Variants in GPM6B observed in about 807,000 individuals in gnomAD.
The protein encoded by GPM6B is glycoprotein M6B, also known as neuronal membrane glycoprotein M6-b.
A neutral mutation model predicts 27.2 loss-of-function variants in GPM6B; 4 were observed. The ratio of observed to expected loss-of-function variants is 0.15; its 90% confidence interval spans 0.07 to 0.34. The LOEUF (loss-of-function observed/expected upper bound fraction) is 0.34. Ranked by LOEUF, GPM6B falls within the 10% of genes least tolerant of loss-of-function variation. The pLI, the probability that GPM6B is intolerant of heterozygous loss-of-function variation, is 1.00. For synonymous variants in GPM6B, 124 were observed against 103.1 expected (o/e 1.20, Z -1.23); for missense variants, 183 against 261.9 (o/e 0.70, Z 2.08).
intron 1 of GPM6B, among the ~76,000 whole-genome samples, chrX:13,841,682 C>T (rs1001324617): frequency 5.4e-5 from 6 of 111,539 alleles, no homozygotes; most frequent in African/African-American, 2.0e-4. Flanking sequence ...TGGTTTTCTA[C>T]TTCTATGTTC....
At chrX:13,827,560 C>T (rs2049391135) in intron 1 of GPM6B, among the ~76,000 whole-genome samples, 1 of 111,754 alleles carries the variant, frequency 8.9e-6, no homozygotes. Flanking sequence ...GACCTTCCTC[C>T]CACCCAGGTT....
chrX:13,833,525 G>A (rs1442168855), intron 1 of GPM6B, among the ~76,000 whole-genome samples: 2 of 94,095 alleles, frequency 2.1e-5, no homozygotes, highest in Non-Finnish European at 4.0e-5. Flanking sequence ...GCCCAGCCTG[G>A]GCAACAGAGC....
intron 1 of GPM6B, among the ~76,000 whole-genome samples, chrX:13,879,979 A>G (rs765580857): frequency 8.9e-6 from 1 of 112,242 alleles, no homozygotes; most frequent in Non-Finnish European, 1.9e-5. Flanking sequence ...TGGAGGAATC[A>G]GAGCCTGCCT....
intron 1 of GPM6B, among the ~76,000 whole-genome samples, chrX:13,874,687 G>A (rs956636860): frequency 7.6e-4 from 85 of 111,323 alleles, no homozygotes; most frequent in African/African-American, 2.7e-3. Context: ...TCCAGCCTGG[G>A]TGACAGAGTA....
intron 1 of GPM6B, among the ~76,000 whole-genome samples, chrX:13,931,462 TG>T (rs1426940252): frequency 9.3e-6 from 1 of 107,550 alleles, no homozygotes; most frequent in Non-Finnish European, 1.9e-5. Context: ...CACTCCAGCC[TG>T]GGCTACAGAG....
rs551916421 is a variant in GPM6B at position 13,842,226 on chromosome X, T to C, written c.-197-56418A>G. 4.5e-5 allele frequency among the ~76,000 whole-genome samples: 5 copies of C among 112,173 alleles called. No homozygotes were observed. The East Asian group carries it at 1.1e-3, about 25-fold the overall frequency. ...GAGAACTGATTTCTCAAATAATAAT[T>C]ACTAGAATATCTGCAATGGCTATGA... is the stretch of plus-strand genomic sequence containing the variant. On this transcript the variant is annotated intron_variant, in intron 1 of 6. Coordinates refer to the GPM6B transcript ENST00000398361.
chrX:13,865,909 G>A (rs1328115891), intron 1 of GPM6B, among the ~76,000 whole-genome samples: 2 of 111,163 alleles, frequency 1.8e-5, no homozygotes, highest in African/African-American at 3.3e-5. Context: ...TACACCTGGA[G>A]GACATCATAT....
At chrX:13,833,071 T>C (rs1225594540) in intron 1 of GPM6B, among the ~76,000 whole-genome samples, 1 of 109,703 alleles carries the variant, frequency 9.1e-6, no homozygotes, top group African/African-American at 3.3e-5. Context: ...TTTGAGGTTA[T>C]AGTGAGTTAT....
At chrX:13,780,726 C>T (rs139537618) in intron 4 of GPM6B, among the ~76,000 whole-genome samples, 1,981 of 111,622 alleles carry the variant, frequency 0.018, 38 homozygotes, top group African/African-American at 0.062. Flanking sequence ...AATAGAATCC[C>T]GTTGCTTGGC....
chrX:13,869,724 G>A (rs1384665124), intron 1 of GPM6B, among the ~76,000 whole-genome samples: 1 of 112,023 alleles, frequency 8.9e-6, no homozygotes, highest in Admixed American at 9.5e-5. Context: ...TTTCAGCAGT[G>A]TTGCAAAAAT....
chrX:13,842,209 A>T (rs185462595), intron 1 of GPM6B, among the ~76,000 whole-genome samples: 1 of 112,348 alleles, frequency 8.9e-6, no homozygotes, highest in East Asian at 2.8e-4. Flanking sequence ...GTGAGAACTG[A>T]TTTCTCAAAT....
rs1173204696 is a variant in GPM6B, at chrX:13,771,919, C to CAATT, written c.*958_*961dup. ...AGGTTAGAGGTCTGTGGTCAATTTG[C>CAATT]AATTAGGTTTTAGATAGTTGGTATG... On this transcript the variant is annotated 3_prime_UTR_variant, in exon 8 of 8. Coordinates refer to ENST00000316715, the MANE Select transcript of GPM6B (RefSeq NM_001001995.3). The CAATT allele has an allele frequency of 2.5e-4, 28 of 112,097 alleles. No individual in the cohort carries two copies. Among genetic ancestry groups the CAATT allele is most frequent in the Non-Finnish European group, 3.8e-5 (2 of 53,122 alleles). The allele number at this position is 112,097 out of a possible 1,213,427, so 9.2% of individuals were successfully genotyped here.
At chrX:13,775,183 A>G (rs911731286) in intron 7 of GPM6B, among the ~76,000 whole-genome samples, 13 of 113,037 alleles carry the variant, frequency 1.2e-4, no homozygotes, top group South Asian at 3.6e-4. Context: ...ACAAACATAC[A>G]TACATAAGAG....
intron 1 of GPM6B, among the ~76,000 whole-genome samples, chrX:13,910,224 C>G (rs1228601414): frequency 2.7e-5 from 3 of 112,367 alleles, no homozygotes; most frequent in African/African-American, 9.7e-5. Context: ...TAGCACTTCT[C>G]AACCCTGGCT....
intron 1 of GPM6B, among the ~76,000 whole-genome samples, chrX:13,840,829 T>C (rs1447031419): frequency 8.9e-6 from 1 of 112,191 alleles, no homozygotes; most frequent in African/African-American, 3.3e-5. Flanking sequence ...TGTGTGTGTG[T>C]ATGTAGGTAT....
upstream of GPM6B, among the ~76,000 whole-genome samples, chrX:13,818,779 A>G (rs1374612664): frequency 8.9e-6 from 1 of 112,523 alleles, no homozygotes; most frequent in African/African-American, 3.2e-5. Context: ...AGTCTTAGAC[A>G]TTTTTTGCAA....
chrX:13,773,269 G>A, intron 7 of GPM6B: 1 of 261,536 alleles, frequency 3.8e-6, no homozygotes, highest in Non-Finnish European at 6.7e-6. Context: ...AATGGCCAAA[G>A]GTATTGTTAA....
At chrX:13,861,174 T>G (rs1292634441) in intron 1 of GPM6B, among the ~76,000 whole-genome samples, 1 of 110,464 alleles carries the variant, frequency 9.1e-6, no homozygotes, top group African/African-American at 3.3e-5. Flanking sequence ...TACATATATA[T>G]ATACACACAC....
chrX:13,873,028 G>C (rs766653388), intron 1 of GPM6B, among the ~76,000 whole-genome samples: 2 of 111,592 alleles, frequency 1.8e-5, no homozygotes, highest in South Asian at 7.7e-4. Context: ...GATAAATGTG[G>C]AAGTGGGATA....
Sources: gnomAD v4.1 joint callset for allele counts (sites outside exome capture counted in the v4.1 genomes callset) on GRCh38, gnomAD v4.1.1 for gene constraint, MANE v1.5 for transcripts, NCBI Gene and HGNC (gene_info 2026-07-23, HGNC 2026-07-21) for gene names.